Variants in BRD3 observed in about 807,000 individuals in gnomAD.
BRD3 encodes the protein bromodomain containing 3, also known as bromodomain-containing protein 3.
BRD3 carries 17 observed loss-of-function variants against 66.8 expected under a neutral mutation model. The observed-to-expected ratio is 0.25, with a 90% CI of 0.17 to 0.38. The LOEUF is 0.38. BRD3 is among the 10% of genes least tolerant of loss of function. The pLI is 1.00. For missense variants in BRD3, 713 were observed against 956.1 expected (o/e 0.75, Z 3.35); for synonymous variants, 421 against 393.2 (o/e 1.07, Z -0.84).
In BRD3 at chr9:134,032,590, C is replaced by A. The variant is rs1843527579; in HGVS notation, c.*1000G>T. On this transcript the variant is annotated 3_prime_UTR_variant, in exon 12 of 12. Transcript: ENST00000303407. ...GGCCGCCGCCAGACAGGACCCGCGC[C>A]CGGCACACCACTGGCAAGGCCTGCA... is the stretch of plus-strand genomic sequence containing the variant. The A allele has an allele frequency of 4.3e-6, 1 of 231,154 alleles. No homozygotes were observed. 14.3% of individuals were successfully genotyped at this position (231,154 alleles called of 1,614,324 possible). A position where few individuals can be genotyped will look rare whatever the true frequency, so the allele number is the denominator to read the frequency against.
intron 9 of BRD3, chr9:134,036,593 T>C: frequency 6.3e-7 from 1 of 1,599,792 alleles, no homozygotes; most frequent in Non-Finnish European, 8.6e-7. Flanking sequence ...AAATGATCTC[T>C]GTATTCAGGT....
intron 2 of BRD3, among the ~76,000 whole-genome samples, chr9:134,052,752 C>G (rs758954132): frequency 2.0e-5 from 3 of 152,222 alleles, no homozygotes; most frequent in African/African-American, 7.2e-5. Flanking sequence ...TGCAGGTGAC[C>G]AGGGCCCAGC....
chr9:134,040,445 G>A (rs1416731889), intron 8 of BRD3, among the ~76,000 whole-genome samples, 176 bp from the exon 9 acceptor site: 1 of 152,216 alleles, frequency 6.6e-6, no homozygotes, highest in African/African-American at 2.4e-5. Context: ...GACCCCCAGT[G>A]AGTCATGAGC....
chr9:134,035,800 A>C (rs1265715220), intron 10 of BRD3, among the ~76,000 whole-genome samples: 1 of 152,242 alleles, frequency 6.6e-6, no homozygotes, highest in Admixed American at 6.5e-5. Flanking sequence ...CCCCAAGAAC[A>C]GGGAAAGAGG....
At chr9:134,038,059 G>C (rs1588274337) in intron 9 of BRD3, among the ~76,000 whole-genome samples, 1 of 152,182 alleles carries the variant, frequency 6.6e-6, no homozygotes, top group Non-Finnish European at 1.5e-5. Context: ...GGCCCAGATG[G>C]TTCTGCTAGT....
chr9:134,058,629 C>T (rs1830474430), intron 1 of BRD3: 1 of 152,234 alleles, frequency 6.6e-6, no homozygotes, highest in African/African-American at 2.4e-5. Flanking sequence ...GAAGCCTTTT[C>T]CCGGGGGGTA....
At chr9:134,042,732 T>C (rs201731173) in intron 7 of BRD3, among the ~76,000 whole-genome samples, 6 of 148,740 alleles carry the variant, frequency 4.0e-5, no homozygotes. Context: ...CACATATATA[T>C]ACACACATAT....
intron 3 of BRD3, 136 bp downstream of exon 3, chr9:134,052,170 G>C: frequency 1.8e-6 from 2 of 1,132,214 alleles, no homozygotes; most frequent in Non-Finnish European, 2.5e-6. Context: ...TGGGATTACA[G>C]GTGTGAGCCA....
At chr9:134,040,859 T>A (rs464024) in intron 8 of BRD3, among the ~76,000 whole-genome samples, 6 of 152,070 alleles carry the variant, frequency 3.9e-5, no homozygotes, top group Non-Finnish European at 8.8e-5. Context: ...ATCCAGGGCC[T>A]CCCTGCAGCT....
intron 3 of BRD3, among the ~76,000 whole-genome samples, chr9:134,052,015 C>T (rs1322251469): frequency 1.3e-5 from 2 of 151,656 alleles, no homozygotes; most frequent in African/African-American, 2.4e-5. Context: ...CTTAGCCTTC[C>T]GAGTAGCTGG....
intron 4 of BRD3, 89 bp from the exon 5 acceptor site, chr9:134,050,677 G>C: frequency 1.8e-6 from 2 of 1,112,382 alleles, no homozygotes; most frequent in South Asian, 2.8e-5. Flanking sequence ...CAGAACACGG[G>C]TACCAGCTCT....
chr9:134,035,959 G>A (rs1829899041), intron 10 of BRD3, 73 bp downstream of exon 10: 1 of 1,533,146 alleles, frequency 6.5e-7, no homozygotes, highest in Non-Finnish European at 8.8e-7. Flanking sequence ...CAGGGTCCGT[G>A]AGGAGTGACA....
At chr9:134,068,046 A>C (rs1480692345), upstream of BRD3, 1 of 144,022 alleles carries the variant, frequency 6.9e-6, no homozygotes, top group East Asian at 2.1e-4. Context: ...GGAGCCGAGC[A>C]GGGCTCATGC....
chr9:134,060,828 T>C (rs907527626), intron 1 of BRD3, among the ~76,000 whole-genome samples: 1 of 152,174 alleles, frequency 6.6e-6, no homozygotes, highest in African/African-American at 2.4e-5. Context: ...CAGGCCCACC[T>C]CTGGCCCTGA....
chr9:134,059,050 T>C (rs991093578), intron 1 of BRD3, among the ~76,000 whole-genome samples: 2 of 152,226 alleles, frequency 1.3e-5, no homozygotes, highest in African/African-American at 4.8e-5. Flanking sequence ...ATTGGGGGTA[T>C]GGTGGCGTTG....
chr9:134,050,833 G>C (rs1266651027), intron 4 of BRD3, among the ~76,000 whole-genome samples: 1 of 152,166 alleles, frequency 6.6e-6, no homozygotes, highest in Non-Finnish European at 1.5e-5. Context: ...ATAGGAGGCG[G>C]AACGAGGAAG....
At position 134,034,830 on chromosome 9, in the gene BRD3, C is replaced by T; in HGVS notation, c.1937-1G>A. 5 of 1,611,490 alleles carry T rather than the reference C, an allele frequency of 3.1e-6. No homozygotes were observed. The South Asian group carries it at 4.4e-5, about 14-fold the overall frequency. ...GCTGCCTGTTTCTTCCCGCTTGCTGCTGTCGGGGAACAAATGGGCACTCAG... is the reference window on the plus strand; with the variant it reads ...GCTGCCTGTTTCTTCCCGCTTGCTGTTGTCGGGGAACAAATGGGCACTCAG... On this transcript the variant is annotated splice_acceptor_variant, in intron 10 of 11. Coordinates refer to ENST00000303407, the MANE Select transcript of BRD3 (RefSeq NM_007371.4). LOFTEE classifies it high-confidence loss of function.
At chr9:134,052,153 A>G (rs1830319576) in intron 3 of BRD3, among the ~76,000 whole-genome samples, 153 bp downstream of exon 3, 1 of 152,146 alleles carries the variant, frequency 6.6e-6, no homozygotes, top group African/African-American at 2.4e-5. Context: ...TCGGCCTCCC[A>G]AAGTGCTGGG....
chr9:134,056,301 A>G (rs1830423732), intron 1 of BRD3, among the ~76,000 whole-genome samples: 1 of 152,190 alleles, frequency 6.6e-6, no homozygotes, highest in African/African-American at 2.4e-5. Flanking sequence ...TGGCAGAAAC[A>G]CACCAACCCC....
Sources: gnomAD v4.1 joint callset for allele counts (sites outside exome capture counted in the v4.1 genomes callset) on GRCh38, gnomAD v4.1.1 for gene constraint, MANE v1.5 for transcripts, NCBI Gene and HGNC (gene_info 2026-07-23, HGNC 2026-07-21) for gene names.